ENAM: variants seen among roughly 807,000 people sequenced by gnomAD.
ENAM encodes the protein amelogenesis imperfecta 2, hypocalcification (autosomal dominant).
A neutral mutation model predicts 33.6 loss-of-function variants in ENAM; 21 were observed. That is an observed-to-expected ratio of 0.63 (90% CI 0.44 to 0.90). The LOEUF (loss-of-function observed/expected upper bound fraction) is 0.90. Ranked by LOEUF, ENAM falls within the 40% of genes least tolerant of loss-of-function variation. The probability of loss-of-function intolerance (pLI) is 0.00; values close to 1 mark genes in which losing one functional copy is unlikely to be tolerated. For synonymous variants in ENAM, 473 were observed against 468.4 expected, an observed-to-expected ratio of 1.01 and a Z score of -0.13; for missense variants, 1,388 against 1,366.9, an observed-to-expected ratio of 1.02 and a Z score of -0.24.
Position 70,642,384 on chromosome 4 carries a change from C to A in ENAM, c.958C>A (p.His320Asn). The change falls in exon 9 of 9, where the codon CAT becomes AAT. Residue 320 changes from histidine to asparagine, a missense_variant. Transcript: ENST00000396073. ...AAGTCAGCCAAATATTCGTGAAAAT[C>A]ATCCATATCCTAATATAAGAAATTT... ...RPSQPNIREN[H>N]PYPNIRNFPS... The A allele has an allele frequency of 6.2e-7, 1 of 1,614,182 alleles. No individual in the cohort carries two copies. Among genetic ancestry groups the A allele is most frequent in the African/African-American group, 1.3e-5 (1 of 75,044 alleles).
Position 70,642,983 on chromosome 4 carries a change from G to T in ENAM, c.1557G>T (p.Gly519=), listed in dbSNP as rs1046170398. 1 of 1,614,082 alleles carries T rather than the reference G, an allele frequency of 6.2e-7. No individual in the cohort carries two copies. Residue 519 remains glycine (G), a synonymous_variant, in exon 9 of 9, where the codon GGG becomes GGT. Transcript: ENST00000396073. ...GQTQSQNLPK[G]IVLGSRRMPY... ...CCCAAAGCCAGAATTTGCCCAAAGGGATTGTTTTAGGGTCAAGAAGGATGC... is the reference window on the plus strand; with the variant it reads ...CCCAAAGCCAGAATTTGCCCAAAGGTATTGTTTTAGGGTCAAGAAGGATGC...
At chr4:70,632,514 G>A (rs1331412469) in intron 4 of ENAM, 137 bp from the exon 5 acceptor site, 2 of 764,996 alleles carry the variant, frequency 2.6e-6, no homozygotes, top group African/African-American at 3.4e-5. Context: ...TATGACTGTT[G>A]TGCATTAAAA....
At chr4:70,630,150 C>T (rs1195607712) in intron 2 of ENAM, among the ~76,000 whole-genome samples, 1 of 152,164 alleles carries the variant, frequency 6.6e-6, no homozygotes, top group Non-Finnish European at 1.5e-5. Flanking sequence ...AAGGTATTTA[C>T]ATACTACTGC....
chr4:70,643,472 A>G lies in ENAM; in HGVS notation c.2046A>G (p.Thr682=), dbSNP rs1053464782. 1.2e-6 allele frequency: 2 copies of G among 1,614,194 alleles called. No individual in the cohort carries two copies. Among genetic ancestry groups the G allele is most frequent in the African/African-American group, 1.3e-5 (1 of 75,064 alleles). The part of the protein sequence containing the change: ...GEELSFKGGP[T]VRHYEGEQYT... ...AGTTGAGCTTCAAAGGAGGCCCAACAGTTAGGCACTATGAAGGTGAACAAT... is the reference window on the plus strand; with the variant it reads ...AGTTGAGCTTCAAAGGAGGCCCAACGGTTAGGCACTATGAAGGTGAACAAT... The change falls in exon 9 of 9, where the codon ACA becomes ACG. Residue 682 remains threonine, a synonymous_variant. Coordinates refer to ENST00000396073, the MANE Select transcript of ENAM (RefSeq NM_031889.3).
chr4:70,635,827 T>C lies in ENAM; in HGVS notation c.472-5T>C, dbSNP rs1235762301. On this transcript the variant is annotated splice_region_variant and splice_polypyrimidine_tract_variant and intron_variant, in intron 6 of 8. Coordinates refer to ENST00000396073, the MANE Select transcript of ENAM (RefSeq NM_031889.3). Reference sequence around the variant, plus strand: ...ACATCACTCTGATTCTTTCTTTCTCTCTAGGCATTCCCACCATTTGGAAAT... The same window carrying C: ...ACATCACTCTGATTCTTTCTTTCTCCCTAGGCATTCCCACCATTTGGAAAT... The C allele has an allele frequency of 6.3e-7, 1 of 1,582,966 alleles. No individual in the cohort carries two copies. Among genetic ancestry groups the C allele is most frequent in the South Asian group, 1.1e-5 (1 of 90,102 alleles).
chr4:70,637,905 T>A, intron 8 of ENAM, 62 bp downstream of exon 8: 1 of 1,164,226 alleles, frequency 8.6e-7, no homozygotes, highest in Non-Finnish European at 1.3e-6. Context: ...CCTGCTTTTT[T>A]ATCCACATCT....
Position 70,637,985 on chromosome 4 carries a change from G to T in ENAM, c.588+142G>T, listed in dbSNP as rs1320459358. The T allele has an allele frequency of 1.1e-5, 8 of 696,820 alleles. No homozygotes were observed. The Admixed American group carries it at 1.2e-4, about 11-fold the overall frequency. The allele number at this position is 696,820 out of a possible 1,614,324, so 43.2% of individuals were successfully genotyped here. On this transcript the variant is annotated intron_variant, in intron 8 of 8. Coordinates refer to ENST00000396073, the MANE Select transcript of ENAM (RefSeq NM_031889.3). Reference sequence around the variant, plus strand: ...TCCGTGATTTTTAGAAAATAAAAAAGTTAAACAAATCAAGCCAGTGGTCCA... The same window carrying T: ...TCCGTGATTTTTAGAAAATAAAAAATTTAAACAAATCAAGCCAGTGGTCCA...
At position 70,644,211 on chromosome 4, in the gene ENAM, C is replaced by T. The variant is rs1357653272; in HGVS notation, c.2785C>T (p.Leu929=). The T allele has an allele frequency of 1.1e-5, 18 of 1,614,044 alleles. 1 individual carries two copies. The South Asian group carries it at 1.9e-4, about 17-fold the overall frequency. ...AGATATCATCTCCCCAACAAGCATC[C>T]TACCAGGCCAAAGAAACAGCTCAGA... ...TRDIISPTSI[L]PGQRNSSEKR... Residue 929 remains leucine, a synonymous_variant, in exon 9 of 9, where the codon CTA becomes TTA. Coordinates refer to ENST00000396073, the MANE Select transcript of ENAM (RefSeq NM_031889.3).
At chr4:70,629,864 C>T (rs1738266471) in intron 2 of ENAM, among the ~76,000 whole-genome samples, 1 of 152,034 alleles carries the variant, frequency 6.6e-6, no homozygotes, top group Non-Finnish European at 1.5e-5. Context: ...TTTCTATTTG[C>T]AAATATAAAG....
chr4:70,632,657 C>T lies in ENAM; in HGVS notation c.175C>T (p.Arg59Trp), dbSNP rs758735517. 11 of 1,598,496 alleles carry T rather than the reference C, an allele frequency of 6.9e-6. No homozygotes were observed. Among genetic ancestry groups the T allele is most frequent in the East Asian group, 2.2e-5 (1 of 44,658 alleles). ...TGGATTCCTTTGGTTGCAGATGATGCGGTATAATCAATTCAACTTTATGAA... is the reference window on the plus strand; with the variant it reads ...TGGATTCCTTTGGTTGCAGATGATGTGGTATAATCAATTCAACTTTATGAA... ...GFSSKSEEMM[R>W]YNQFNFMNGP... The change falls in exon 5 of 9, where the codon CGG (arginine) becomes TGG (tryptophan). Residue 59 changes from arginine to tryptophan, a missense_variant. Coordinates refer to ENST00000396073, the MANE Select transcript of ENAM (RefSeq NM_031889.3).
chr4:70,644,415 A>G lies in ENAM; in HGVS notation c.2989A>G (p.Ile997Val), dbSNP rs1738700717. ...KNDLGGDGNN[I>V]LEQVFEDNQL... ...TGATCTTGGAGGAGATGGGAACAAC[A>G]TTCTGGAACAAGTTTTTGAAGACAA... Residue 997 changes from isoleucine (I) to valine (V), a missense_variant, in exon 9 of 9, where the codon ATT (isoleucine) becomes GTT (valine). Transcript: ENST00000396073. 2 of 1,614,194 alleles carry G rather than the reference A, an allele frequency of 1.2e-6. No homozygotes were observed. The highest frequency in any genetic ancestry group is 1.7e-6 in the Non-Finnish European group (2 of 1,180,022).
At position 70,645,225 on chromosome 4, in the gene ENAM, T is replaced by C. The variant is rs1370381730; in HGVS notation, c.*370T>C. 6.0e-6 allele frequency: 2 copies of C among 335,716 alleles called. No individual in the cohort carries two copies. The highest frequency in any genetic ancestry group is 1.1e-5 in the Non-Finnish European group (2 of 184,154). 20.8% of individuals were successfully genotyped at this position (335,716 alleles called of 1,614,324 possible). A position where few individuals can be genotyped will look rare whatever the true frequency, so the allele number is the denominator to read the frequency against. On this transcript the variant is annotated 3_prime_UTR_variant, in exon 9 of 9. Transcript: ENST00000396073. The stretch of plus-strand genomic sequence containing the variant: ...TCAAGACTGAAAGGCAGATTAACTT[T>C]CCATTCTACTTATGGAGATCCACAC...
In ENAM at chr4:70,645,028, C is replaced by A; in HGVS notation, c.*173C>A. On this transcript the variant is annotated 3_prime_UTR_variant, in exon 9 of 9. Coordinates refer to ENST00000396073, the MANE Select transcript of ENAM (RefSeq NM_031889.3). ...CGACCCAGGTGGAGCTGAGATTAGG[C>A]CTCTGGGGATCACCAGATCTAGCAC... 1.6e-6 allele frequency: 1 copy of A among 644,044 alleles called. No homozygotes were observed. The highest frequency in any genetic ancestry group is 1.8e-5 in the South Asian group (1 of 56,188). 39.9% of individuals were successfully genotyped at this position (644,044 alleles called of 1,614,324 possible).
intron 7 of ENAM, among the ~76,000 whole-genome samples, chr4:70,636,495 A>C (rs1016526910): frequency 6.6e-6 from 1 of 152,102 alleles, no homozygotes; most frequent in Non-Finnish European, 1.5e-5. Context: ...TTTGCCAGGC[A>C]TGGTGGTGCA....
Position 70,644,330 on chromosome 4 carries a change from A to T in ENAM, c.2904A>T (p.Glu968Asp). Residue 968 changes from glutamate (E) to aspartate (D), a missense_variant, in exon 9 of 9, where the codon GAA becomes GAT. Coordinates refer to ENST00000396073, the MANE Select transcript of ENAM (RefSeq NM_031889.3). ...TAAAGAATCAACTGGGCCAAAAGGAAATTATGCCCTTTCCTGAAGCCAGTT... is the reference window on the plus strand; with the variant it reads ...TAAAGAATCAACTGGGCCAAAAGGATATTATGCCCTTTCCTGAAGCCAGTT... ...CSIKNQLGQK[E>D]IMPFPEASSL... 1.2e-6 allele frequency: 2 copies of T among 1,614,214 alleles called. No homozygotes were observed. The highest frequency in any genetic ancestry group is 1.7e-6 in the Non-Finnish European group (2 of 1,180,028).
At chr4:70,629,414 T>C in intron 1 of ENAM, 27 bp from the exon 2 acceptor site, 1 of 964,086 alleles carries the variant, frequency 1.0e-6, no homozygotes, top group Non-Finnish European at 1.7e-6. Context: ...ATTCATTTCA[T>C]TTATTTGTTC....
At chr4:70,630,397 T>C (rs752739621) in intron 2 of ENAM, among the ~76,000 whole-genome samples, 19 of 152,228 alleles carry the variant, frequency 1.2e-4, no homozygotes, top group Non-Finnish European at 1.5e-4. Context: ...TGTTGGTTAC[T>C]CTGCTAGGAA....
chr4:70,644,409 A>G lies in ENAM; in HGVS notation c.2983A>G (p.Asn995Asp), dbSNP rs771179751. Residue 995 changes from asparagine to aspartate, a missense_variant, in exon 9 of 9, where the codon AAC (asparagine) becomes GAC (aspartate). By Grantham distance (23) the Asn-to-Asp change is conservative. Transcript: ENST00000396073. ...CLKNDLGGDG[N>D]NILEQVFEDN... ...CAAAAATGATCTTGGAGGAGATGGGAACAACATTCTGGAACAAGTTTTTGA... is the reference window on the plus strand; with the variant it reads ...CAAAAATGATCTTGGAGGAGATGGGGACAACATTCTGGAACAAGTTTTTGA... The G allele has an allele frequency of 1.1e-5, 17 of 1,614,072 alleles. No individual in the cohort carries two copies. The highest frequency in any genetic ancestry group is 3.3e-4 in the Middle Eastern group (2 of 6,084).
chr4:70,641,363 T>G (rs1229102757), intron 8 of ENAM, among the ~76,000 whole-genome samples: 1 of 150,974 alleles, frequency 6.6e-6, no homozygotes, highest in Non-Finnish European at 1.5e-5. Flanking sequence ...CTTTCTTTCT[T>G]TCTTTTATTT....
Sources: gnomAD v4.1 joint callset for allele counts (sites outside exome capture counted in the v4.1 genomes callset) on GRCh38, gnomAD v4.1.1 for gene constraint, MANE v1.5 for transcripts, NCBI Gene and HGNC (gene_info 2026-07-23, HGNC 2026-07-21) for gene names.